CCDC178: variants seen among roughly 807,000 people sequenced by gnomAD.
CCDC178 encodes the protein coiled-coil domain containing 178.
CCDC178 carries 126 observed loss-of-function variants against 117.4 expected under a neutral mutation model. The observed-to-expected ratio is 1.07, with a 90% confidence interval of 0.93 to 1.24. CCDC178 has a LOEUF of 1.24. CCDC178 is among the 50% of genes most tolerant of loss of function. CCDC178 has a pLI of 0.00. For missense variants in CCDC178, 1,030 were observed against 986.9 expected (o/e 1.04, Z -0.59); for synonymous variants, 283 against 313.4 (o/e 0.90, Z 1.02).
intron 12 of CCDC178, among the ~76,000 whole-genome samples, chr18:33,285,834 G>C (rs1396170485): frequency 1.3e-5 from 2 of 151,940 alleles, no homozygotes; most frequent in Non-Finnish European, 1.5e-5. Flanking sequence ...TCAGCATTTA[G>C]ATAACATTAA....
intron 21 of CCDC178, among the ~76,000 whole-genome samples, chr18:33,086,154 A>G (rs181604836): frequency 1.3e-5 from 2 of 152,122 alleles, no homozygotes; most frequent in Admixed American, 1.3e-4. Context: ...GATAAAAACA[A>G]TACTATTTCA....
chr18:33,157,754 G>T (rs1348125023), intron 20 of CCDC178, among the ~76,000 whole-genome samples: 1 of 151,902 alleles, frequency 6.6e-6, no homozygotes, highest in Non-Finnish European at 1.5e-5. Context: ...GGCATTTCAT[G>T]GTTTAAATAT....
At chr18:33,410,946 A>G (rs187124971) in intron 3 of CCDC178, among the ~76,000 whole-genome samples, 1 of 152,290 alleles carries the variant, frequency 6.6e-6, no homozygotes, top group East Asian at 1.9e-4. Flanking sequence ...AAGCAAGTGC[A>G]GAGCTGAATC....
At position 33,266,986 on chromosome 18, in the gene CCDC178, T is replaced by C; in HGVS notation, c.1339A>G (p.Thr447Ala). The C allele has an allele frequency of 1.2e-6, 2 of 1,602,522 alleles. No individual in the cohort carries two copies. Among genetic ancestry groups the C allele is most frequent in the South Asian group, 1.1e-5 (1 of 87,996 alleles). The change falls in exon 14 of 23, where the codon ACA becomes GCA. Residue 447 changes from threonine to alanine, a missense_variant. Transcript: ENST00000383096. ...TTTTTATTGTCTTCCGTCAGTTTTG[T>C]ACATGCCAAAGAAATAGCTGAAAAA... ...KDFSAISLAC[T>A]KLTEDNKKLE...
chr18:33,414,386 A>C (rs2144907169), intron 2 of CCDC178, among the ~76,000 whole-genome samples: 1 of 152,316 alleles, frequency 6.6e-6, no homozygotes, highest in African/African-American at 2.4e-5. Flanking sequence ...AGCCCTCAGA[A>C]ATAACACCAC....
At chr18:33,396,032 A>C (rs1290462403) in intron 4 of CCDC178, among the ~76,000 whole-genome samples, 1 of 152,144 alleles carries the variant, frequency 6.6e-6, no homozygotes, top group Admixed American at 6.5e-5. Flanking sequence ...TAAACGTAAA[A>C]AAAATTAGTT....
intron 20 of CCDC178, among the ~76,000 whole-genome samples, chr18:33,163,178 T>C (rs868689827): frequency 1.0e-4 from 15 of 150,180 alleles, no homozygotes; most frequent in Middle Eastern, 3.4e-3. Context: ...GTTTCTCCAA[T>C]GATCAGTGAT....
intron 7 of CCDC178, among the ~76,000 whole-genome samples, chr18:33,353,490 T>C (rs1300348805): frequency 6.6e-6 from 1 of 152,118 alleles, no homozygotes; most frequent in Non-Finnish European, 1.5e-5. Context: ...ATAACTGCCT[T>C]ATTTGTAACT....
chr18:33,320,171 G>A (rs1387097552), intron 11 of CCDC178, among the ~76,000 whole-genome samples: 1 of 152,164 alleles, frequency 6.6e-6, no homozygotes, highest in Admixed American at 6.5e-5. Context: ...CATTGCCTTT[G>A]AAAACTGGCA....
chr18:33,181,696 A>G (rs2058734473), intron 20 of CCDC178, among the ~76,000 whole-genome samples: 1 of 151,940 alleles, frequency 6.6e-6, no homozygotes. Flanking sequence ...AATAGAGGTT[A>G]TAACAGTGCC....
chr18:33,041,855 T>C (rs1370114366), intron 21 of CCDC178, among the ~76,000 whole-genome samples: 6 of 151,534 alleles, frequency 4.0e-5, no homozygotes, highest in Non-Finnish European at 8.9e-5. Context: ...CCCAAGAAGC[T>C]CAATGAAGAA....
At chr18:33,076,190 A>G (rs141927615) in intron 21 of CCDC178, among the ~76,000 whole-genome samples, 25 of 152,310 alleles carry the variant, frequency 1.6e-4, no homozygotes, top group African/African-American at 5.8e-4. Context: ...CGCCTTGCTC[A>G]CACACAGGCA....
chr18:32,964,757 G>A lies in CCDC178; in HGVS notation c.2523+9790C>T, dbSNP rs541059670. 1.3e-3 allele frequency among the ~76,000 whole-genome samples: 191 copies of A among 151,932 alleles called. 5 individuals are homozygous for A. The South Asian group carries it at 0.038, about 30-fold the overall frequency. Reference sequence around the variant, plus strand: ...AAACTCAGACTCTAGCATTCAGAGCGGTTAAGTGTATATTTTCACTTCAGA... The same window carrying A: ...AAACTCAGACTCTAGCATTCAGAGCAGTTAAGTGTATATTTTCACTTCAGA... On this transcript the variant is annotated intron_variant, in intron 22 of 22. Coordinates refer to ENST00000383096, the MANE Select transcript of CCDC178 (RefSeq NM_001105528.4).
intron 21 of CCDC178, among the ~76,000 whole-genome samples, chr18:33,005,843 C>G (rs1329500373): frequency 6.6e-6 from 1 of 151,980 alleles, no homozygotes; most frequent in African/African-American, 2.4e-5. Context: ...CGATACAACT[C>G]CTACCAGTAG....
chr18:33,028,901 C>T (rs766143062), intron 21 of CCDC178, among the ~76,000 whole-genome samples: 1 of 151,746 alleles, frequency 6.6e-6, no homozygotes. Flanking sequence ...ACTCATTTTA[C>T]ATGGTGTTGG....
intron 3 of CCDC178, among the ~76,000 whole-genome samples, chr18:33,400,132 T>C (rs945122917): frequency 1.5e-4 from 22 of 149,032 alleles, no homozygotes; most frequent in African/African-American, 2.5e-5. Context: ...TAGGTCTCCA[T>C]AGTGGCCTTA....
intron 8 of CCDC178, among the ~76,000 whole-genome samples, chr18:33,348,369 T>C (rs1369568604): frequency 6.6e-6 from 1 of 151,824 alleles, no homozygotes; most frequent in African/African-American, 2.4e-5. Flanking sequence ...AATATATATT[T>C]TATAAATTGT....
chr18:33,402,868 A>C (rs1445105637), intron 3 of CCDC178, among the ~76,000 whole-genome samples: 3 of 152,190 alleles, frequency 2.0e-5, no homozygotes, highest in African/African-American at 7.2e-5. Flanking sequence ...GCCTGGCTTC[A>C]AGGAAATATT....
chr18:33,110,172 G>A (rs1367771124), intron 20 of CCDC178, among the ~76,000 whole-genome samples: 1 of 151,538 alleles, frequency 6.6e-6, no homozygotes, highest in Non-Finnish European at 1.5e-5. Flanking sequence ...AATTTCATAT[G>A]CTTATCGGAC....
Sources: gnomAD v4.1 joint callset for allele counts (sites outside exome capture counted in the v4.1 genomes callset) on GRCh38, gnomAD v4.1.1 for gene constraint, MANE v1.5 for transcripts, NCBI Gene and HGNC (gene_info 2026-07-23, HGNC 2026-07-21) for gene names.